The following GRID1 variants were observed in gnomAD, a reference collection of about 807,000 sequenced individuals.
GRID1 encodes glutamate receptor ionotropic, delta-1.
Under a neutral mutation model 98.0 loss-of-function variants are expected in GRID1, and 28 were observed. The ratio of observed to expected loss-of-function variants is 0.29; its 90% CI spans 0.21 to 0.39. The LOEUF is 0.39. Among genes scored for constraint, GRID1 ranks in the 10% least tolerant of loss-of-function variants. The pLI is 1.00. For missense variants in GRID1, 1,111 were observed against 1,340.5 expected (o/e 0.83, Z 2.67); for synonymous variants, 553 against 538.5 (o/e 1.03, Z -0.37).
Position 86,080,404 on chromosome 10 carries a change from AAGGGAAGGGGAGGGGAGGGG to A in GRID1, c.726+58395_726+58414del, listed in dbSNP as rs1564668631. Among the ~76,000 whole-genome samples the A allele has an allele frequency of 3.6e-3, 172 of 47,202 alleles. 5 individuals are homozygous for A. The highest frequency in any genetic ancestry group is 4.5e-3 in the Non-Finnish European group (126 of 28,194). 31.0% of individuals were successfully genotyped at this position (47,202 alleles called of 152,430 possible). A position where few individuals can be genotyped will look rare whatever the true frequency, so the allele number is the denominator to read the frequency against. On this transcript the variant is annotated intron_variant, in intron 4 of 15. Coordinates refer to ENST00000327946, the MANE Select transcript of GRID1 (RefSeq NM_017551.3). ...AAGGAAAGGGAAGGGAAGGGAAGGG[AAGGGAAGGGGAGGGGAGGGG>A]AGGGGAGGGGAGGGGAGGGGAGGGG...
intron 2 of GRID1, among the ~76,000 whole-genome samples, chr10:86,243,005 C>T (rs775175303): frequency 5.3e-5 from 8 of 152,326 alleles, no homozygotes; most frequent in Non-Finnish European, 1.0e-4. Flanking sequence ...CTCCCTGTGT[C>T]TCAGCTTCCT....
At chr10:86,223,619 A>C (rs1846293838) in intron 2 of GRID1, among the ~76,000 whole-genome samples, 1 of 152,158 alleles carries the variant, frequency 6.6e-6, no homozygotes, top group African/African-American at 2.4e-5. Flanking sequence ...TCTGAGGCCT[A>C]CCTCTGCACT....
chr10:86,196,460 G>A (rs937887061), intron 3 of GRID1, among the ~76,000 whole-genome samples: 4 of 151,998 alleles, frequency 2.6e-5, no homozygotes, highest in East Asian at 1.9e-4. Flanking sequence ...CACGGTAGGC[G>A]TTTTTATTAT....
chr10:86,294,736 G>C (rs1183917672), intron 2 of GRID1, among the ~76,000 whole-genome samples: 3 of 152,252 alleles, frequency 2.0e-5, no homozygotes, highest in Non-Finnish European at 2.9e-5. Flanking sequence ...AAGCTGGCAG[G>C]ACTGCAAAGT....
intron 13 of GRID1, among the ~76,000 whole-genome samples, chr10:85,624,109 G>A (rs562055519): frequency 6.6e-6 from 1 of 152,312 alleles, no homozygotes; most frequent in South Asian, 2.1e-4. Context: ...GGGAGTTGAG[G>A]AGGATAATGT....
chr10:86,292,183 T>C (rs1808727543), intron 2 of GRID1, among the ~76,000 whole-genome samples: 1 of 152,210 alleles, frequency 6.6e-6, no homozygotes, highest in Admixed American at 6.6e-5. Flanking sequence ...CAGGGGAACC[T>C]GACCAAGGGG....
chr10:86,338,226 G>T (rs1382164144), intron 2 of GRID1, among the ~76,000 whole-genome samples: 1 of 151,832 alleles, frequency 6.6e-6, no homozygotes, highest in Non-Finnish European at 1.5e-5. Flanking sequence ...CCATTCCCTT[G>T]TTGCACTGAT....
At chr10:85,813,636 T>C (rs1220415662) in intron 8 of GRID1, among the ~76,000 whole-genome samples, 1 of 151,886 alleles carries the variant, frequency 6.6e-6, no homozygotes, top group Admixed American at 6.6e-5. Context: ...TTTAAAAACT[T>C]ATGTTTAAAA....
chr10:85,738,964 A>G (rs1841913521), intron 8 of GRID1, among the ~76,000 whole-genome samples: 1 of 152,162 alleles, frequency 6.6e-6, no homozygotes, highest in African/African-American at 2.4e-5. Flanking sequence ...CTGATCAAAC[A>G]CCATATACCT....
At chr10:86,158,712 C>T (rs917706682) in intron 3 of GRID1, among the ~76,000 whole-genome samples, 1 of 152,176 alleles carries the variant, frequency 6.6e-6, no homozygotes, top group African/African-American at 2.4e-5. Flanking sequence ...GATGTCCCCA[C>T]TCAGACTGTG....
chr10:85,940,092 AG>A (rs1564631597), intron 4 of GRID1, among the ~76,000 whole-genome samples: 3 of 145,474 alleles, frequency 2.1e-5, no homozygotes, highest in African/African-American at 7.5e-5. Context: ...AAAAAAAGAG[AG>A]AGAGAGAGAC....
Position 85,602,141 on chromosome 10 carries a change from C to T in GRID1, c.*132G>A, listed in dbSNP as rs1590152832. ...TTCTGTCATTATTTACACATATGTA[C>T]AAGAAAAATGAAAGAGTCTCTGTGT... is the stretch of plus-strand genomic sequence containing the variant. On this transcript the variant is annotated 3_prime_UTR_variant, in exon 16 of 16. Coordinates refer to ENST00000327946, the MANE Select transcript of GRID1 (RefSeq NM_017551.3). 1.8e-6 allele frequency: 1 copy of T among 555,766 alleles called. No individual in the cohort carries two copies. The highest frequency in any genetic ancestry group is 1.9e-5 in the African/African-American group (1 of 52,414). The allele number at this position is 555,766 out of a possible 1,614,324, so 34.4% of individuals were successfully genotyped here.
At position 86,365,144 on chromosome 10, in the gene GRID1, C is replaced by G. The variant is rs1156405934; in HGVS notation, c.80-1048G>C. Among the ~76,000 whole-genome samples, 3 of 151,986 alleles carry G rather than the reference C, an allele frequency of 2.0e-5. No individual in the cohort carries two copies. The highest frequency in any genetic ancestry group is 1.9e-4 in the East Asian group (1 of 5,168). On this transcript the variant is annotated intron_variant, in intron 1 of 15. Coordinates refer to ENST00000327946, the MANE Select transcript of GRID1 (RefSeq NM_017551.3). The surrounding 1 kb of genome is among the most constrained non-coding windows in gnomAD (Gnocchi z 4.8). ...GGCGCCGCAATGCTGACCGCGAGAC[C>G]CGCACCCCTCCAGGGCGGGAAGCAG...
intron 12 of GRID1, among the ~76,000 whole-genome samples, chr10:85,696,369 C>A (rs1450844915): frequency 6.6e-6 from 1 of 150,990 alleles, no homozygotes; most frequent in African/African-American, 2.4e-5. Context: ...GAGGAGGTGA[C>A]CTTTGAGAAG....
chr10:86,125,738 C>T (rs995769183), intron 4 of GRID1, among the ~76,000 whole-genome samples: 1 of 152,144 alleles, frequency 6.6e-6, no homozygotes, highest in Non-Finnish European at 1.5e-5. Flanking sequence ...AACCCTTCCG[C>T]CTCTTCCTCA....
At chr10:85,772,421 G>C (rs11498626) in intron 8 of GRID1, among the ~76,000 whole-genome samples, 1 of 144,522 alleles carries the variant, frequency 6.9e-6, no homozygotes, top group African/African-American at 2.8e-5. Context: ...AACTAGAAAA[G>C]CAAGAGCAAA....
Position 85,783,561 on chromosome 10 carries a change from C to A in GRID1, c.1234-53947G>T, listed in dbSNP as rs367627544. ...GTGGTTGCCAGGGGAGGACTAACCT[C>A]TGAGGATTCACAGAAAATAAACCAG... On this transcript the variant is annotated intron_variant, in intron 8 of 15. Coordinates refer to ENST00000327946, the MANE Select transcript of GRID1 (RefSeq NM_017551.3). Among the ~76,000 whole-genome samples the A allele has an allele frequency of 8.5e-5, 13 of 152,318 alleles. 1 individual carries two copies. Among genetic ancestry groups the A allele is most frequent in the Admixed American group, 5.9e-4 (9 of 15,292 alleles).
At chr10:85,613,303 G>T in intron 15 of GRID1, 104 bp downstream of exon 15, 1 of 1,114,088 alleles carries the variant, frequency 9.0e-7, no homozygotes, top group South Asian at 1.6e-5. Flanking sequence ...CAGACAAGAT[G>T]ACTCAGGTAA....
chr10:86,041,816 T>C (rs766334065), intron 4 of GRID1, among the ~76,000 whole-genome samples: 36 of 152,254 alleles, frequency 2.4e-4, no homozygotes, highest in Middle Eastern at 6.8e-3. Context: ...AGCGTGAGTG[T>C]AGAGCTGCCT....
Sources: gnomAD v4.1 joint callset for allele counts (sites outside exome capture counted in the v4.1 genomes callset) on GRCh38, gnomAD v4.1.1 for gene constraint, Gnocchi (gnomAD v3.1) non-coding constraint, MANE v1.5 for transcripts, NCBI Gene and HGNC (gene_info 2026-07-23, HGNC 2026-07-21) for gene names.